Variants in KSR2 observed in about 807,000 individuals in gnomAD.
KSR2 encodes the protein kinase suppressor of ras 2.
KSR2 carries 25 observed loss-of-function variants against 107.8 expected under a neutral mutation model. That is an observed-to-expected ratio of 0.23 (90% CI 0.17 to 0.32). The LOEUF is 0.32. Ranked by LOEUF, KSR2 falls within the 10% of genes least tolerant of loss-of-function variation. The probability of loss-of-function intolerance (pLI) is 1.00; values close to 1 mark genes in which losing one functional copy is unlikely to be tolerated. For missense variants in KSR2, 887 were observed against 1,268.9 expected (o/e 0.70, Z 4.57); for synonymous variants, 480 against 507.0 (o/e 0.95, Z 0.71).
intron 14 of KSR2, among the ~76,000 whole-genome samples, chr12:117,517,412 A>C (rs1043287489): frequency 6.6e-6 from 1 of 152,360 alleles, no homozygotes; most frequent in Admixed American, 6.5e-5. Context: ...TTGCAATTGC[A>C]AACAAGTCAT....
chr12:117,902,703 C>T (rs1194749365), intron 1 of KSR2, among the ~76,000 whole-genome samples: 3 of 151,998 alleles, frequency 2.0e-5, no homozygotes, highest in South Asian at 4.2e-4. Flanking sequence ...TGTAACAAAC[C>T]GTCACGTTCT....
intron 1 of KSR2, among the ~76,000 whole-genome samples, chr12:117,901,055 G>A (rs2137393588): frequency 6.6e-6 from 1 of 152,256 alleles, no homozygotes; most frequent in South Asian, 2.1e-4. Context: ...CTTGACATTG[G>A]GGAAGAGATT....
intron 5 of KSR2, among the ~76,000 whole-genome samples, chr12:117,618,377 T>G (rs955415276): frequency 6.6e-6 from 1 of 152,034 alleles, no homozygotes; most frequent in Non-Finnish European, 1.5e-5. Context: ...CAACATGACA[T>G]GCAGGAAGTT....
chr12:117,694,895 A>G (rs1173005251), intron 4 of KSR2, among the ~76,000 whole-genome samples: 1 of 139,520 alleles, frequency 7.2e-6, no homozygotes, highest in East Asian at 2.1e-4. Context: ...TGTTGCCTCA[A>G]GCTGGAGTGC....
intron 5 of KSR2, among the ~76,000 whole-genome samples, chr12:117,625,974 C>A (rs1882488817): frequency 6.6e-6 from 1 of 152,084 alleles, no homozygotes; most frequent in Non-Finnish European, 1.5e-5. Flanking sequence ...TTCTAGATTT[C>A]CTAGTTTATT....
chr12:117,731,782 A>G (rs4313657), intron 4 of KSR2, among the ~76,000 whole-genome samples: 6,863 of 151,328 alleles, frequency 0.045, 538 homozygotes, highest in African/African-American at 0.16. Context: ...ACTCAGGGTT[A>G]AATGGATTAA....
rs150497097 is a variant in KSR2 at position 117,847,619 on chromosome 12, ATCCAGACACCT to A, written c.472+7798_472+7808del. Reference sequence around the variant, plus strand: ...GTGTTATTTAAAAACCGGAAAAGAGATCCAGACACCTTCTGTTCAGCCTACCCTGCTTACTC... The same window carrying A: ...GTGTTATTTAAAAACCGGAAAAGAGATCTGTTCAGCCTACCCTGCTTACTC... On this transcript the variant is annotated intron_variant, in intron 3 of 19. Transcript: ENST00000339824. Among the ~76,000 whole-genome samples, 849 of 152,270 alleles carry A rather than the reference ATCCAGACACCT, an allele frequency of 5.6e-3. 32 individuals are homozygous for A. In the East Asian group the frequency reaches 0.1, roughly 18 times the overall value.
intron 5 of KSR2, among the ~76,000 whole-genome samples, chr12:117,585,430 C>G (rs1166995450): frequency 1.3e-5 from 2 of 152,190 alleles, no homozygotes; most frequent in Admixed American, 1.3e-4. Context: ...GTAGTTTGGT[C>G]TCATTTCCCA....
chr12:117,593,307 C>T (rs1192772504), intron 5 of KSR2, among the ~76,000 whole-genome samples: 1 of 152,212 alleles, frequency 6.6e-6, no homozygotes, highest in Admixed American at 6.5e-5. Flanking sequence ...AAACAGCCAG[C>T]CCTGTGCTCC....
chr12:117,699,059 AT>A (rs1051625908), intron 4 of KSR2, among the ~76,000 whole-genome samples: 4 of 152,148 alleles, frequency 2.6e-5, no homozygotes, highest in African/African-American at 9.7e-5. Context: ...CCTTGCTCTC[AT>A]TTAGTGTTCG....
At position 117,826,018 on chromosome 12, in the gene KSR2, CATGGAGGGATGGATGGATGGATGGATGA is replaced by C. The variant is rs1158108893; in HGVS notation, c.472+29382_472+29409del. ...GGATGGGTGGGTGGATGGATGGATG[CATGGAGGGATGGATGGATGGATGGATGA>C]ATGGATGGATAAATGCATGAATGGG... On this transcript the variant is annotated intron_variant, in intron 3 of 19. Transcript: ENST00000339824. Among the ~76,000 whole-genome samples, 12 of 120,284 alleles carry C rather than the reference CATGGAGGGATGGATGGATGGATGGATGA, an allele frequency of 1.0e-4. No homozygotes were observed. The South Asian group carries it at 1.2e-3, about 12-fold the overall frequency. The allele number at this position is 120,284 out of a possible 152,430, so 78.9% of individuals were successfully genotyped here. A position where few individuals can be genotyped will look rare whatever the true frequency, so the allele number is the denominator to read the frequency against.
chr12:117,583,784 G>A (rs1879835694), intron 5 of KSR2, among the ~76,000 whole-genome samples: 1 of 152,096 alleles, frequency 6.6e-6, no homozygotes, highest in African/African-American at 2.4e-5. Flanking sequence ...CCTGCTTGTG[G>A]AATCTCCAGG....
At chr12:117,470,627 T>C (rs146285154) in intron 18 of KSR2, among the ~76,000 whole-genome samples, 94 of 152,364 alleles carry the variant, frequency 6.2e-4, no homozygotes, top group African/African-American at 2.2e-3. Flanking sequence ...GGAGAAAAGT[T>C]ACTTTTAGTA....
chr12:117,848,815 G>C (rs1566048238), intron 3 of KSR2, among the ~76,000 whole-genome samples: 1 of 147,038 alleles, frequency 6.8e-6, no homozygotes, highest in Non-Finnish European at 1.5e-5. Context: ...CAGTGATGGT[G>C]GTGGGTGGTG....
chr12:117,642,132 T>C (rs1286049004), intron 5 of KSR2, among the ~76,000 whole-genome samples: 7 of 152,216 alleles, frequency 4.6e-5, no homozygotes, highest in Admixed American at 4.6e-4. Context: ...CCCTGTCCCC[T>C]CACCATTGCT....
At chr12:117,967,179 A>C (rs1896823042) in intron 1 of KSR2, among the ~76,000 whole-genome samples, 1 of 149,358 alleles carries the variant, frequency 6.7e-6, no homozygotes, top group Admixed American at 6.6e-5. Flanking sequence ...GAAAAAAATA[A>C]TTTCTGCCAT....
At chr12:117,615,577 C>T (rs1322642826) in intron 5 of KSR2, among the ~76,000 whole-genome samples, 1 of 152,142 alleles carries the variant, frequency 6.6e-6, no homozygotes, top group Non-Finnish European at 1.5e-5. Context: ...CATAAGGAAA[C>T]TCAAGGAGAC....
chr12:117,561,934 T>C (rs1332257924), intron 7 of KSR2, among the ~76,000 whole-genome samples: 6 of 152,198 alleles, frequency 3.9e-5, no homozygotes, highest in Non-Finnish European at 7.3e-5. Flanking sequence ...GTGCCCCAGA[T>C]ACTGGAGATT....
At chr12:117,497,377 G>T (rs1222902246) in intron 14 of KSR2, among the ~76,000 whole-genome samples, 4 of 152,196 alleles carry the variant, frequency 2.6e-5, no homozygotes, top group Non-Finnish European at 4.4e-5. Context: ...TACCTAAGGA[G>T]AGGCAGCAGG....
Sources: gnomAD v4.1 joint callset for allele counts (sites outside exome capture counted in the v4.1 genomes callset) on GRCh38, gnomAD v4.1.1 for gene constraint, MANE v1.5 for transcripts, NCBI Gene and HGNC (gene_info 2026-07-23, HGNC 2026-07-21) for gene names.